Variants in KANSL3 observed in about 807,000 individuals in gnomAD.
KANSL3 encodes KAT8 regulatory NSL complex subunit 3.
In KANSL3, 16 loss-of-function variants were observed where a neutral mutation model predicts 89.2. The observed-to-expected ratio is 0.18, with a 90% CI of 0.12 to 0.27. KANSL3 has a LOEUF of 0.27. Among genes scored for constraint, KANSL3 ranks in the 10% least tolerant of loss-of-function variants. The pLI is 1.00. For missense variants in KANSL3, 879 were observed against 1,110.6 expected, an observed-to-expected ratio of 0.79 and a Z score of 2.96; for synonymous variants, 385 against 419.7, an observed-to-expected ratio of 0.92 and a Z score of 1.01.
intron 3 of KANSL3, chr2:96,628,279 C>A (rs946178512): frequency 1.7e-5 from 17 of 984,554 alleles, no homozygotes; most frequent in Non-Finnish European, 1.9e-5. Context: ...GTTTTCCAGA[C>A]TTTCCTGCTG....
At position 96,619,400 on chromosome 2, in the gene KANSL3, G is replaced by A; in HGVS notation, c.622C>T (p.Leu208=). 6.2e-7 allele frequency: 1 copy of A among 1,613,500 alleles called. No individual in the cohort carries two copies. Among genetic ancestry groups the A allele is most frequent in the South Asian group, 1.1e-5 (1 of 90,940 alleles). The change falls in exon 5 of 21, where the codon CTG becomes TTG. Residue 208 remains leucine (L), a synonymous_variant. Coordinates refer to ENST00000431828, the MANE Select transcript of KANSL3 (RefSeq NM_001115016.3). The part of the protein sequence containing the change: ...TLVETLSLPM[L]AAYLDALQTL... ...TGCAAAGCATCCAGGTAGGCTGCCA[G>A]CATGGGCAGACTCAAGGTCTCCACA... is the stretch of plus-strand genomic sequence containing the variant.
rs1166406129 is a variant in KANSL3, at chr2:96,612,898, A to C, written c.832T>G (p.Ser278Ala). The C allele has an allele frequency of 4.5e-6, 7 of 1,569,076 alleles. No homozygotes were observed. The highest frequency in any genetic ancestry group is 6.0e-6 in the Non-Finnish European group (7 of 1,157,148). ...AACACAGAGCTGGAGGGACCAGAGG[A>C]GGCGATGAGAATCAGCGGAGAGCCA... ...LPGSPLILIASSGPSSSVFPT... is the reference protein window; with the variant it reads ...LPGSPLILIAASGPSSSVFPT... Residue 278 changes from serine to alanine, a missense_variant, in exon 7 of 21, where the codon TCC becomes GCC. By Grantham distance (99) the Ser-to-Ala change is moderately conservative (BLOSUM62 1). Transcript: ENST00000431828.
the KANSL3 span, among the ~76,000 whole-genome samples, chr2:96,583,132 C>G: frequency 1.3e-5 from 2 of 152,228 alleles, no homozygotes; most frequent in Non-Finnish European, 2.9e-5. Flanking sequence ...GGTTTGCCCT[C>G]AGACTACAAG....
intron 2 of KANSL3, among the ~76,000 whole-genome samples, chr2:96,632,872 AG>A (rs1462638445): frequency 6.6e-6 from 1 of 151,152 alleles, no homozygotes; most frequent in Non-Finnish European, 1.5e-5. Context: ...ACACTGAGGA[AG>A]GAGAACGGTG....
intron 5 of KANSL3, 93 bp from the exon 6 acceptor site, chr2:96,613,712 G>A (rs1406137146): frequency 8.3e-7 from 1 of 1,199,544 alleles, no homozygotes; most frequent in Non-Finnish European, 1.2e-6. Flanking sequence ...CCCACTATAA[G>A]CCATAGACAG....
rs755594942 is a variant in KANSL3 at position 96,601,797 on chromosome 2, C to A, written c.2483-21G>T. 5 of 1,534,100 alleles carry A rather than the reference C, an allele frequency of 3.3e-6. No homozygotes were observed. The African/African-American group carries it at 4.2e-5, about 13-fold the overall frequency. On this transcript the variant is annotated intron_variant, in intron 19 of 20. Transcript: ENST00000431828. ...CAAGCCTGAGATAAAGAGAGAGAAG[C>A]AGAATTTTTGAGTCACACTCTCCAC...
At chr2:96,604,564 G>C (rs963738548) in intron 16 of KANSL3, among the ~76,000 whole-genome samples, 184 bp from the exon 17 acceptor site, 1 of 152,174 alleles carries the variant, frequency 6.6e-6, no homozygotes, top group East Asian at 1.9e-4. Flanking sequence ...CTTACTTACA[G>C]GACTTATAGC....
At position 96,619,353 on chromosome 2, in the gene KANSL3, C is replaced by A. The variant is rs1198070596; in HGVS notation, c.663+6G>T. ...AGGACAGGGCAGACCCCAATCACAG[C>A]CTTACCTTCCCCTTCAGCGTCTGCA... On this transcript the variant is annotated splice_donor_region_variant and intron_variant, in intron 5 of 20. Coordinates refer to ENST00000431828, the MANE Select transcript of KANSL3 (RefSeq NM_001115016.3). The A allele has an allele frequency of 7.5e-6, 12 of 1,607,116 alleles. No individual in the cohort carries two copies. Among genetic ancestry groups the A allele is most frequent in the Admixed American group, 1.7e-5 (1 of 59,500 alleles).
chr2:96,603,413 G>A, intron 17 of KANSL3: 1 of 152,888 alleles, frequency 6.5e-6, no homozygotes, highest in Non-Finnish European at 1.5e-5. Flanking sequence ...CTACCAAGCA[G>A]CTGGGATTAC....
rs998935388 is a variant in KANSL3, at chr2:96,602,130, G to C, written c.2468C>G (p.Ser823Cys). Reference sequence around the variant, plus strand: ...GAGAGACTCACCTGATGCTTGGTTAGAGATCTGAGCCAGGCCAGGGAGGCT... The same window carrying C: ...GAGAGACTCACCTGATGCTTGGTTACAGATCTGAGCCAGGCCAGGGAGGCT... ...ASSLPGLAQI[S>C]NQASGLKVPT... is the part of the protein sequence containing the mutation. The change falls in exon 19 of 21, where the codon TCT (serine) becomes TGT (cysteine). Residue 823 changes from serine to cysteine, a missense_variant. Coordinates refer to ENST00000431828, the MANE Select transcript of KANSL3 (RefSeq NM_001115016.3). 2 of 1,581,110 alleles carry C rather than the reference G, an allele frequency of 1.3e-6. No individual in the cohort carries two copies. Among genetic ancestry groups the C allele is most frequent in the African/African-American group, 2.7e-5 (2 of 74,154 alleles).
At chr2:96,604,090 C>T (rs2067595643) in intron 17 of KANSL3, 160 bp downstream of exon 17, 1 of 714,386 alleles carries the variant, frequency 1.4e-6, no homozygotes, top group Non-Finnish European at 2.1e-6. Flanking sequence ...AATCCCTCTG[C>T]CCAAGCTAAT....
At chr2:96,610,554 A>C (rs2068747929) in intron 11 of KANSL3, 172 bp downstream of exon 11, 1 of 580,580 alleles carries the variant, frequency 1.7e-6, no homozygotes, top group African/African-American at 1.9e-5. Context: ...TGACCTCGTG[A>C]TCCGCCTGCC....
rs1358900181 is a variant in KANSL3, at chr2:96,631,315, T to C, written c.383A>G (p.Asn128Ser). 2.5e-6 allele frequency: 4 copies of C among 1,610,568 alleles called. No individual in the cohort carries two copies. The highest frequency in any genetic ancestry group is 1.7e-5 in the Admixed American group (1 of 59,974). The change falls in exon 3 of 21, where the codon AAC becomes AGC. Residue 128 changes from asparagine to serine, a missense_variant. Transcript: ENST00000431828. ...ATCCTCCTGATGAGCAGCCTACCTG[T>C]TGACATGCTCCTCCCAGTCCTCTGG... ...PPPEDWEEHV[N>S]RTGWTMAQNK...
downstream of KANSL3, among the ~76,000 whole-genome samples, chr2:96,591,174 C>A (rs1003260939): frequency 6.6e-6 from 1 of 152,178 alleles, no homozygotes; most frequent in Non-Finnish European, 1.5e-5. Context: ...AAGGAATGAA[C>A]TACTCATATA....
At chr2:96,589,029 T>C (rs774571258), downstream of KANSL3, among the ~76,000 whole-genome samples, 8 of 152,166 alleles carry the variant, frequency 5.3e-5, no homozygotes, top group Non-Finnish European at 1.2e-4. Context: ...GTAAGTTACA[T>C]ATATATAAAG....
chr2:96,585,954 C>T, the KANSL3 span, among the ~76,000 whole-genome samples: 16 of 152,016 alleles, frequency 1.1e-4, no homozygotes, highest in African/African-American at 2.4e-4. Flanking sequence ...GGGCTGGGCG[C>T]GGTGGCTCAT....
chr2:96,633,378 T>G (rs549220059), intron 2 of KANSL3, among the ~76,000 whole-genome samples: 1 of 152,198 alleles, frequency 6.6e-6, no homozygotes, highest in African/African-American at 2.4e-5. Flanking sequence ...GAGACCAGCT[T>G]GGCCAACATG....
At chr2:96,607,376 C>G (rs4907242) in intron 14 of KANSL3, among the ~76,000 whole-genome samples, 1 of 152,044 alleles carries the variant, frequency 6.6e-6, no homozygotes, top group Non-Finnish European at 1.5e-5. Context: ...GGTTCTAAAG[C>G]TGCTACTCTC....
intron 14 of KANSL3, chr2:96,606,398 G>A (rs13395011): frequency 0.09 from 13,696 of 152,596 alleles, 1,387 homozygotes; most frequent in African/African-American, 0.24. Context: ...GTCCACCCTA[G>A]TCCTCTTGTA....
Sources: allele counts gnomAD v4.1 joint callset (sites outside exome capture counted in the v4.1 genomes callset), GRCh38; gene constraint gnomAD v4.1.1; transcripts MANE v1.5; gene names NCBI Gene and HGNC (gene_info 2026-07-23, HGNC 2026-07-21).